The following FOXP1 variants were observed in gnomAD, a reference collection of about 807,000 sequenced individuals.
FOXP1 encodes forkhead box protein P1.
In FOXP1, 15 loss-of-function variants were observed where a neutral mutation model predicts 98.2. The ratio of observed to expected loss-of-function variants is 0.15; its 90% CI spans 0.10 to 0.24. FOXP1 has a LOEUF of 0.24. Ranked by LOEUF, FOXP1 falls within the 10% of genes least tolerant of loss-of-function variation. The probability of loss-of-function intolerance (pLI) is 1.00; values close to 1 mark genes in which losing one functional copy is unlikely to be tolerated. For missense variants in FOXP1, 633 were observed against 848.5 expected (o/e 0.75, Z 3.15); for synonymous variants, 371 against 314.5 (o/e 1.18, Z -1.90).
chr3:71,078,872 C>A (rs767682957), intron 7 of FOXP1, among the ~76,000 whole-genome samples: 2 of 152,120 alleles, frequency 1.3e-5, no homozygotes. Flanking sequence ...CTTGGAAGCA[C>A]AAGAGCTAGT....
At chr3:70,965,485 T>A (rs2034555957) in intron 20 of FOXP1, among the ~76,000 whole-genome samples, 1 of 152,186 alleles carries the variant, frequency 6.6e-6, no homozygotes, top group African/African-American at 2.4e-5. Flanking sequence ...GTGGTGAACC[T>A]TAGTGCACCA....
chr3:71,383,404 C>A lies in FOXP1; in HGVS notation c.-167-24160G>T, dbSNP rs1297617969. ...GAGGCTGAGATTTTGGTTTTGGGCC[C>A]TAGGATTTAGGGCAGACATTGTTGG... On this transcript the variant is annotated intron_variant, in intron 3 of 20. Transcript: ENST00000649528. 2.0e-5 allele frequency among the ~76,000 whole-genome samples: 3 copies of A among 152,058 alleles called. No individual in the cohort carries two copies. In the East Asian group the frequency reaches 5.8e-4, roughly 29 times the overall value.
intron 5 of FOXP1, among the ~76,000 whole-genome samples, chr3:71,275,317 TG>T (rs1576708935): frequency 6.6e-6 from 1 of 152,198 alleles, no homozygotes. Context: ...CAGACATTTA[TG>T]GAATTTATTT....
intron 6 of FOXP1, among the ~76,000 whole-genome samples, chr3:71,132,510 T>C (rs1049586996): frequency 3.3e-5 from 5 of 152,204 alleles, no homozygotes; most frequent in African/African-American, 1.2e-4. Flanking sequence ...ACAATTTTGT[T>C]CTTAAAGCTG....
chr3:71,350,572 G>A (rs1046153779), intron 4 of FOXP1, among the ~76,000 whole-genome samples: 6 of 152,148 alleles, frequency 3.9e-5, no homozygotes, highest in Non-Finnish European at 8.8e-5. Flanking sequence ...GGAAATGAAT[G>A]AACTCTAGAC....
chr3:71,032,434 A>T (rs9880362), intron 11 of FOXP1, among the ~76,000 whole-genome samples: 1 of 152,118 alleles, frequency 6.6e-6, no homozygotes, highest in African/African-American at 2.4e-5. Context: ...TTATTCACAC[A>T]GGCAGAAGTG....
chr3:71,259,371 GAA>G (rs995253780), intron 5 of FOXP1, among the ~76,000 whole-genome samples: 7 of 152,226 alleles, frequency 4.6e-5, no homozygotes, highest in African/African-American at 1.7e-4. Context: ...TCATGAAGAT[GAA>G]AAGAGAAGAC....
chr3:71,093,282 A>C (rs912447438), intron 7 of FOXP1, among the ~76,000 whole-genome samples: 1 of 150,176 alleles, frequency 6.7e-6, no homozygotes, highest in Non-Finnish European at 1.5e-5. Context: ...TGAAAAAAAA[A>C]AAAATTAAAA....
At chr3:71,057,410 T>G (rs2050829951) in intron 7 of FOXP1, among the ~76,000 whole-genome samples, 1 of 143,356 alleles carries the variant, frequency 7.0e-6, no homozygotes, top group South Asian at 2.3e-4. Flanking sequence ...GTTCATGCCT[T>G]AACTGGGAGT....
At chr3:71,038,351 A>G (rs1430017520) in intron 11 of FOXP1, among the ~76,000 whole-genome samples, 1 of 152,112 alleles carries the variant, frequency 6.6e-6, no homozygotes, top group Admixed American at 6.6e-5. Context: ...TGTGGCAGAG[A>G]CTCTTTCCTT....
At chr3:71,467,070 C>T (rs2088837083) in intron 3 of FOXP1, among the ~76,000 whole-genome samples, 1 of 152,024 alleles carries the variant, frequency 6.6e-6, no homozygotes, top group Non-Finnish European at 1.5e-5. Flanking sequence ...CTTTGGGCAC[C>T]ACAGATGTTG....
intron 4 of FOXP1, among the ~76,000 whole-genome samples, chr3:71,300,390 G>T (rs1408017165): frequency 6.6e-6 from 1 of 152,194 alleles, no homozygotes; most frequent in African/African-American, 2.4e-5. Flanking sequence ...TTGGGGAGGG[G>T]CAGGGAGTTA....
intron 2 of FOXP1, among the ~76,000 whole-genome samples, chr3:71,507,569 T>C (rs921196926): frequency 6.6e-6 from 1 of 151,944 alleles, no homozygotes; most frequent in African/African-American, 2.4e-5. Flanking sequence ...TTGAATGATA[T>C]GTTGCAAAAC....
chr3:71,413,273 C>CACACACACACAT (rs1456243102), intron 3 of FOXP1, among the ~76,000 whole-genome samples: 8 of 129,906 alleles, frequency 6.2e-5, no homozygotes, highest in Non-Finnish European at 4.7e-5. Flanking sequence ...CACACACACA[C>CACACACACACAT]ACACACACAC....
intron 4 of FOXP1, among the ~76,000 whole-genome samples, chr3:71,343,495 G>A (rs537584037): frequency 6.6e-6 from 1 of 151,704 alleles, no homozygotes; most frequent in Admixed American, 6.6e-5. Context: ...GTTGGGTTAC[G>A]GGGCGGGGAA....
At chr3:70,971,072 CCT>C (rs553907362) in intron 18 of FOXP1, 58 of 442,266 alleles carry the variant, frequency 1.3e-4, no homozygotes, top group Admixed American at 5.9e-4. Flanking sequence ...CCTCCAGAGA[CCT>C]CTCTGCAGAT....
chr3:71,178,797 T>C (rs903110134), intron 6 of FOXP1, among the ~76,000 whole-genome samples: 4 of 151,662 alleles, frequency 2.6e-5, no homozygotes, highest in Middle Eastern at 3.2e-3. Flanking sequence ...AGCAGGAGAA[T>C]GGCAGGAACC....
At chr3:71,085,209 C>G (rs1328970393) in intron 7 of FOXP1, among the ~76,000 whole-genome samples, 1 of 152,150 alleles carries the variant, frequency 6.6e-6, no homozygotes, top group Non-Finnish European at 1.5e-5. Flanking sequence ...GTGACACAAT[C>G]ACAGCTCACT....
At chr3:71,511,517 C>T (rs1265379662) in intron 2 of FOXP1, among the ~76,000 whole-genome samples, 1 of 152,016 alleles carries the variant, frequency 6.6e-6, no homozygotes, top group Non-Finnish European at 1.5e-5. Flanking sequence ...AAAAAATTAC[C>T]CCAACCCCAA....
Sources: allele counts gnomAD v4.1 joint callset (sites outside exome capture counted in the v4.1 genomes callset), GRCh38; gene constraint gnomAD v4.1.1; transcripts MANE v1.5; gene names NCBI Gene and HGNC (gene_info 2026-07-23, HGNC 2026-07-21).